The following PTPRO variants were observed in gnomAD, a reference collection of about 807,000 sequenced individuals.
PTPRO encodes the protein receptor-type tyrosine-protein phosphatase O.
PTPRO carries 62 observed loss-of-function variants against 145.2 expected under a neutral mutation model. The observed-to-expected ratio is 0.43, with a 90% confidence interval of 0.35 to 0.53. The LOEUF (loss-of-function observed/expected upper bound fraction) is 0.53, where lower values mean the gene tolerates loss of function less well. Ranked by LOEUF, PTPRO falls within the 20% of genes least tolerant of loss-of-function variation. The pLI, the probability that PTPRO is intolerant of heterozygous loss-of-function variation, is 0.01. For synonymous variants in PTPRO, 565 were observed against 514.7 expected, an observed-to-expected ratio of 1.10 and a Z score of -1.32; for missense variants, 1,345 against 1,482.7, an observed-to-expected ratio of 0.91 and a Z score of 1.53.
intron 12 of PTPRO, 50 bp downstream of exon 12, chr12:15,526,312 T>C (rs1942836946): frequency 1.9e-6 from 3 of 1,606,052 alleles, no homozygotes; most frequent in East Asian, 2.2e-5. Flanking sequence ...AATGTTTGCA[T>C]CATTCGATTC....
chr12:15,502,442 T>C (rs919310674), intron 5 of PTPRO, among the ~76,000 whole-genome samples: 2 of 152,216 alleles, frequency 1.3e-5, no homozygotes, highest in African/African-American at 2.4e-5. Flanking sequence ...TTTTCTCATA[T>C]GCAAATTTTT....
chr12:15,388,807 T>C (rs2136283738), intron 1 of PTPRO, among the ~76,000 whole-genome samples: 1 of 152,336 alleles, frequency 6.6e-6, no homozygotes, highest in African/African-American at 2.4e-5. Flanking sequence ...AATAATTTTG[T>C]TCTCTGAAAT....
At chr12:15,534,687 C>T (rs936693736) in intron 12 of PTPRO, among the ~76,000 whole-genome samples, 1 of 152,066 alleles carries the variant, frequency 6.6e-6, no homozygotes, top group African/African-American at 2.4e-5. Flanking sequence ...AACAGGCAGG[C>T]CTGAGTATAG....
At chr12:15,594,535 A>G (rs1269546480) in intron 25 of PTPRO, among the ~76,000 whole-genome samples, 2 of 151,856 alleles carry the variant, frequency 1.3e-5, no homozygotes, top group African/African-American at 4.8e-5. Flanking sequence ...ACATACATAT[A>G]TATGTATATA....
In PTPRO at chr12:15,515,996, T is replaced by G. The variant is rs796946831; in HGVS notation, c.1585+378T>G. On this transcript the variant is annotated intron_variant, in intron 8 of 26. Coordinates refer to ENST00000281171, the MANE Select transcript of PTPRO (RefSeq NM_030667.3). Reference sequence around the variant, plus strand: ...GTCTGGTTTTTTTTTTGTTTTGTTTTTTTTTTTTTTTGGAGACAGAGTCTC... The same window carrying G: ...GTCTGGTTTTTTTTTTGTTTTGTTTGTTTTTTTTTTTGGAGACAGAGTCTC... 2.1e-3 allele frequency among the ~76,000 whole-genome samples: 295 copies of G among 137,626 alleles called. 6 individuals are homozygous for G. The highest frequency in any genetic ancestry group is 6.7e-3 in the African/African-American group (245 of 36,704). 90.3% of individuals were successfully genotyped at this position (137,626 alleles called of 152,430 possible).
intron 12 of PTPRO, among the ~76,000 whole-genome samples, chr12:15,526,688 C>G (rs1439197213): frequency 2.0e-5 from 3 of 151,670 alleles, no homozygotes; most frequent in Non-Finnish European, 4.4e-5. Flanking sequence ...TTTCCCAACT[C>G]CAGAATAAAA....
intron 23 of PTPRO, among the ~76,000 whole-genome samples, chr12:15,585,438 AT>A (rs1351151474): frequency 6.6e-6 from 1 of 152,176 alleles, no homozygotes; most frequent in Non-Finnish European, 1.5e-5. Context: ...GCCCTTGAAC[AT>A]AGTAGGGGAG....
At chr12:15,362,336 G>A (rs373113615) in intron 1 of PTPRO, among the ~76,000 whole-genome samples, 4 of 152,154 alleles carry the variant, frequency 2.6e-5, no homozygotes, top group African/African-American at 7.2e-5. Flanking sequence ...GAGTCCCTGC[G>A]TGTTATTCCT....
rs928542910 is a variant in PTPRO at position 15,536,792 on chromosome 12, G to A, written c.2165-9777G>A. Reference sequence around the variant, plus strand: ...GGCAGTAATCCTCTTTAGGATTTGGGGCAAGGCTTTTCTGCCCCAAAAGTG... The same window carrying A: ...GGCAGTAATCCTCTTTAGGATTTGGAGCAAGGCTTTTCTGCCCCAAAAGTG... On this transcript the variant is annotated intron_variant, in intron 12 of 26. Transcript: ENST00000281171. Among the ~76,000 whole-genome samples, 3 of 152,240 alleles carry A rather than the reference G, an allele frequency of 2.0e-5. No individual in the cohort carries two copies. In the South Asian group the frequency reaches 6.2e-4, roughly 32 times the overall value.
chr12:15,334,002 T>G lies in PTPRO; in HGVS notation c.75+11201T>G, dbSNP rs967554963. 2.0e-5 allele frequency among the ~76,000 whole-genome samples: 3 copies of G among 152,218 alleles called. No homozygotes were observed. The South Asian group carries it at 6.2e-4, about 31-fold the overall frequency. On this transcript the variant is annotated intron_variant, in intron 1 of 26. Transcript: ENST00000281171. Reference sequence around the variant, plus strand: ...TTTAAAATGTAAAACTTTGTTTTTATCTTGGCTCTACGGTTTGAAAATGTC... The same window carrying G: ...TTTAAAATGTAAAACTTTGTTTTTAGCTTGGCTCTACGGTTTGAAAATGTC...
intron 1 of PTPRO, among the ~76,000 whole-genome samples, chr12:15,455,874 C>T (rs1453697825): frequency 2.0e-5 from 3 of 152,132 alleles, no homozygotes; most frequent in South Asian, 2.1e-4. Flanking sequence ...ATTGCTCTGG[C>T]TAGGACTTCC....
At chr12:15,337,639 C>T (rs1464265124) in intron 1 of PTPRO, among the ~76,000 whole-genome samples, 2 of 152,188 alleles carry the variant, frequency 1.3e-5, no homozygotes, top group African/African-American at 4.8e-5. Context: ...TAGAAACTTC[C>T]TACTAGCCCA....
chr12:15,578,959 G>T lies in PTPRO; in HGVS notation c.2920+16G>T. On this transcript the variant is annotated intron_variant, in intron 20 of 26. Transcript: ENST00000281171. ...ATCCTACCATGTAAGATCGTCAATT[G>T]TGCCAATAACACTCATGTCTTAAGG... 1 of 1,541,546 alleles carries T rather than the reference G, an allele frequency of 6.5e-7. No individual in the cohort carries two copies. The highest frequency in any genetic ancestry group is 9.0e-7 in the Non-Finnish European group (1 of 1,114,232).
chr12:15,533,371 C>A (rs1056380332), intron 12 of PTPRO, among the ~76,000 whole-genome samples: 1 of 151,988 alleles, frequency 6.6e-6, no homozygotes, highest in Non-Finnish European at 1.5e-5. Context: ...TATGATGTGC[C>A]TTTCTTATTT....
At chr12:15,573,020 T>C (rs1287570225) in intron 19 of PTPRO, among the ~76,000 whole-genome samples, 1 of 144,680 alleles carries the variant, frequency 6.9e-6, no homozygotes, top group Non-Finnish European at 1.5e-5. Context: ...GAGGCTACAA[T>C]CAAGCTTTAT....
intron 1 of PTPRO, among the ~76,000 whole-genome samples, chr12:15,353,402 C>T (rs2136233741): frequency 6.7e-6 from 1 of 149,172 alleles, no homozygotes; most frequent in African/African-American, 2.5e-5. Flanking sequence ...AGAATTTAAC[C>T]ATGTTGATGC....
intron 1 of PTPRO, chr12:15,439,927 C>A (rs1348999069): frequency 5.9e-6 from 4 of 673,206 alleles, no homozygotes; most frequent in East Asian, 2.7e-5. Flanking sequence ...ACTACAATGG[C>A]CACATCGGTC....
intron 1 of PTPRO, among the ~76,000 whole-genome samples, chr12:15,362,699 CA>C (rs1406913357): frequency 4.7e-5 from 7 of 149,288 alleles, no homozygotes; most frequent in Non-Finnish European, 7.4e-5. Flanking sequence ...ACCCACACAT[CA>C]AAAAAAAAGA....
intron 21 of PTPRO, among the ~76,000 whole-genome samples, chr12:15,580,462 T>A (rs1029777126): frequency 1.3e-5 from 2 of 152,214 alleles, no homozygotes; most frequent in Admixed American, 6.5e-5. Flanking sequence ...CATAAAAAGG[T>A]GTGGATGTGA....
Sources: gnomAD v4.1 joint callset for allele counts (sites outside exome capture counted in the v4.1 genomes callset) on GRCh38, gnomAD v4.1.1 for gene constraint, MANE v1.5 for transcripts, NCBI Gene and HGNC (gene_info 2026-07-23, HGNC 2026-07-21) for gene names.